The following CDH11 variants were observed in gnomAD, a reference collection of about 807,000 sequenced individuals.
The protein encoded by CDH11 is cadherin-11.
In CDH11, 11 loss-of-function variants were observed where a neutral mutation model predicts 67.8. That is an observed-to-expected ratio of 0.16 (90% CI 0.10 to 0.27). The LOEUF (loss-of-function observed/expected upper bound fraction) is 0.27. Among genes scored for constraint, CDH11 ranks in the 10% least tolerant of loss-of-function variants. The pLI, the probability that CDH11 is intolerant of heterozygous loss-of-function variation, is 1.00. For synonymous variants in CDH11, 419 were observed against 400.0 expected, an observed-to-expected ratio of 1.05 and a Z score of -0.57; for missense variants, 847 against 1,031.2, an observed-to-expected ratio of 0.82 and a Z score of 2.45.
Position 64,946,981 on chromosome 16 carries a change from C to T in CDH11, c.*622G>A, listed in dbSNP as rs766376883. On this transcript the variant is annotated 3_prime_UTR_variant, in exon 13 of 13. Transcript: ENST00000268603. ...CATTAAAAATGACATAGAAATAGGG[C>T]GTCTCTCACTGAAACAAGACAGTTA... 6.8e-5 allele frequency: 66 copies of T among 964,210 alleles called. No individual in the cohort carries two copies. The highest frequency in any genetic ancestry group is 7.6e-5 in the Non-Finnish European group (61 of 798,808). The allele number at this position is 964,210 out of a possible 1,614,324, so 59.7% of individuals were successfully genotyped here.
At chr16:64,970,860 C>A (rs1423083127) in intron 11 of CDH11, among the ~76,000 whole-genome samples, 1 of 152,140 alleles carries the variant, frequency 6.6e-6, no homozygotes, top group Non-Finnish European at 1.5e-5. Flanking sequence ...AAGTAATGGA[C>A]AGAGAAAAAC....
chr16:64,986,093 A>G (rs2072480185), intron 7 of CDH11: 1 of 152,214 alleles, frequency 6.6e-6, no homozygotes, highest in Non-Finnish European at 1.5e-5. Flanking sequence ...AAATATTGCC[A>G]TAATGTCTCT....
intron 2 of CDH11, 49 bp downstream of exon 2, chr16:65,053,755 G>C (rs562360943): frequency 2.2e-6 from 1 of 451,598 alleles, no homozygotes; most frequent in East Asian, 7.0e-5. Context: ...TTTCCATCTT[G>C]ACATACATAG....
chr16:65,078,895 A>G (rs1270139034), intron 1 of CDH11, among the ~76,000 whole-genome samples: 1 of 152,242 alleles, frequency 6.6e-6, no homozygotes, highest in Non-Finnish European at 1.5e-5. Context: ...TAAGCAATGT[A>G]TAATCCAGCT....
chr16:64,981,704 A>C, intron 8 of CDH11: 1 of 174,820 alleles, frequency 5.7e-6, no homozygotes. Flanking sequence ...ATGGGAAGGT[A>C]TTTAATAAAT....
intron 1 of CDH11, among the ~76,000 whole-genome samples, chr16:65,115,154 C>T (rs974237166): frequency 1.3e-5 from 2 of 152,072 alleles, no homozygotes; most frequent in Non-Finnish European, 2.9e-5. Flanking sequence ...TGCAGGGTAA[C>T]TTACCACAGC....
rs750251432 is a variant in CDH11 at position 64,947,825 on chromosome 16, C to T, written c.2169G>A (p.Thr723=). 5.6e-6 allele frequency: 9 copies of T among 1,613,980 alleles called. No individual in the cohort carries two copies. Among genetic ancestry groups the T allele is most frequent in the South Asian group, 2.2e-5 (2 of 91,084 alleles). ...GGTCATTGTCTGCCTCCTGTATTCT[C>T]GTGTTGATGAAGTCATCGACATCCA... ...NSVDVDDFIN[T]RIQEADNDPT... Residue 723 remains threonine (T), a synonymous_variant, in exon 13 of 13, where the codon ACG becomes ACA. Transcript: ENST00000268603.
intron 1 of CDH11, among the ~76,000 whole-genome samples, chr16:65,067,925 AGGGAGGG>A: frequency 8.3e-6 from 1 of 120,272 alleles, no homozygotes. Flanking sequence ...GGAAGGAGGG[AGGGAGGG>A]AGAAATGAAC....
rs1597058612 is a variant in CDH11 at position 64,988,486 on chromosome 16, A to ATG, written c.812-144_812-143dup. Reference sequence around the variant, plus strand: ...CTGAAAACATGAAAGAAGTGAGTGGATGTGGGGAGGAGGATCCCACATGGC... The same window carrying ATG: ...CTGAAAACATGAAAGAAGTGAGTGGATGTGTGGGGAGGAGGATCCCACATGGC... On this transcript the variant is annotated intron_variant, in intron 6 of 12. Transcript: ENST00000268603. 9.7e-6 allele frequency: 7 copies of ATG among 724,136 alleles called. No homozygotes were observed. The East Asian group carries it at 1.9e-4, about 20-fold the overall frequency. 44.9% of individuals were successfully genotyped at this position (724,136 alleles called of 1,614,324 possible).
At chr16:65,079,488 C>T (rs1048600127) in intron 1 of CDH11, among the ~76,000 whole-genome samples, 2 of 152,098 alleles carry the variant, frequency 1.3e-5, no homozygotes, top group Admixed American at 6.6e-5. Flanking sequence ...TATGCATGTG[C>T]GTGTGTATGT....
chr16:65,004,493 A>C, intron 3 of CDH11, 149 bp downstream of exon 3: 1 of 635,022 alleles, frequency 1.6e-6, no homozygotes, highest in Non-Finnish European at 2.7e-6. Flanking sequence ...ATAACATATT[A>C]TGTACAATAT....
At chr16:65,002,934 T>C (rs544496772) in intron 3 of CDH11, among the ~76,000 whole-genome samples, 1 of 151,566 alleles carries the variant, frequency 6.6e-6, no homozygotes, top group Admixed American at 6.6e-5. Context: ...TTTTTTCTTT[T>C]TTTTTTTTTA....
intron 8 of CDH11, 65 bp downstream of exon 8, chr16:64,981,983 G>T: frequency 6.9e-7 from 1 of 1,454,998 alleles, no homozygotes; most frequent in Non-Finnish European, 9.3e-7. Context: ...TTCCTACAGG[G>T]CTTTCCCAGA....
intron 6 of CDH11, 37 bp from the exon 7 acceptor site, chr16:64,988,381 T>G (rs1950155935): frequency 1.3e-6 from 2 of 1,540,660 alleles, no homozygotes. Flanking sequence ...TTTTCTCTTT[T>G]ATTTGGCAGC....
intron 1 of CDH11, among the ~76,000 whole-genome samples, chr16:65,065,339 C>T (rs2074296372): frequency 6.6e-6 from 1 of 152,106 alleles, no homozygotes; most frequent in South Asian, 2.1e-4. Flanking sequence ...GCATACAGTA[C>T]AAACACATAT....
At chr16:65,102,297 T>TA (rs752247829) in intron 1 of CDH11, among the ~76,000 whole-genome samples, 1 of 152,224 alleles carries the variant, frequency 6.6e-6, no homozygotes, top group Non-Finnish European at 1.5e-5. Context: ...CCCAAAATCT[T>TA]ACGGCCAATT....
At chr16:65,104,746 G>A (rs1325543636) in intron 1 of CDH11, among the ~76,000 whole-genome samples, 2 of 152,088 alleles carry the variant, frequency 1.3e-5, no homozygotes, top group East Asian at 3.9e-4. Context: ...TCAAATAATG[G>A]TCCCCATTTA....
At chr16:64,962,514 C>T (rs2071699588) in intron 11 of CDH11, among the ~76,000 whole-genome samples, 1 of 151,966 alleles carries the variant, frequency 6.6e-6, no homozygotes, top group South Asian at 2.1e-4. Context: ...TGATGGAGGC[C>T]CAGTGTGGAG....
At chr16:65,113,540 G>A (rs913487556) in intron 1 of CDH11, among the ~76,000 whole-genome samples, 7 of 152,172 alleles carry the variant, frequency 4.6e-5, no homozygotes. Flanking sequence ...GCCCTCCTTA[G>A]AGAAAGTAGT....
Sources: gnomAD v4.1 joint callset for allele counts (sites outside exome capture counted in the v4.1 genomes callset) on GRCh38, gnomAD v4.1.1 for gene constraint, MANE v1.5 for transcripts, NCBI Gene and HGNC (gene_info 2026-07-23, HGNC 2026-07-21) for gene names.